The following AIRE variants were observed in gnomAD, a reference collection of about 807,000 sequenced individuals.
AIRE encodes autoimmune polyendocrinopathy candidiasis ectodermal dystrophy protein.
Under a neutral mutation model 62.1 loss-of-function variants are expected in AIRE, and 52 were observed. That is an observed-to-expected ratio of 0.84 (90% CI 0.67 to 1.06). AIRE has a LOEUF of 1.06. AIRE is among the 50% of genes least tolerant of loss of function. The pLI is 0.00. For synonymous variants in AIRE, 342 were observed against 321.6 expected (o/e 1.06, Z -0.68); for missense variants, 774 against 755.8 (o/e 1.02, Z -0.28).
At chr21:44,288,053 G>T (rs758025342) in intron 4 of AIRE, among the ~76,000 whole-genome samples, 8 of 152,080 alleles carry the variant, frequency 5.3e-5, no homozygotes, top group Non-Finnish European at 1.0e-4. Flanking sequence ...CCCATGTCAT[G>T]GGGGGGTGGG....
intron 8 of AIRE, 146 bp from the exon 9 acceptor site, chr21:44,292,156 T>A (rs2040547778): frequency 2.7e-6 from 2 of 738,934 alleles, no homozygotes; most frequent in Middle Eastern, 2.3e-4. Context: ...TCTCCCTTCC[T>A]GTGTCTCTGC....
chr21:44,291,038 C>T, intron 7 of AIRE, 57 bp from the exon 8 acceptor site: 1 of 1,613,480 alleles, frequency 6.2e-7, no homozygotes, highest in Non-Finnish European at 8.5e-7. Flanking sequence ...GGAGGTGGCT[C>T]TCAGGAGGGT....
chr21:44,296,035 G>T (rs562805290), intron 12 of AIRE, among the ~76,000 whole-genome samples: 1 of 152,296 alleles, frequency 6.6e-6, no homozygotes, highest in Non-Finnish European at 1.5e-5. Flanking sequence ...CTTGTCGGGG[G>T]CGGGGGTGGC....
In AIRE at chr21:44,297,252, G is replaced by A. The variant is rs575605392; in HGVS notation, c.1567-404G>A. Among the ~76,000 whole-genome samples, 8 of 152,314 alleles carry A rather than the reference G, an allele frequency of 5.3e-5. No individual in the cohort carries two copies. Among genetic ancestry groups the A allele is most frequent in the Admixed American group, 1.3e-4 (2 of 15,306 alleles). ...TTATTCTGCTGGCATCGTGGGGCCCGTGGCCCCATCCTGTGGGAGCATCAG... is the reference window on the plus strand; with the variant it reads ...TTATTCTGCTGGCATCGTGGGGCCCATGGCCCCATCCTGTGGGAGCATCAG... On this transcript the variant is annotated intron_variant, in intron 13 of 13. Coordinates refer to ENST00000291582, the MANE Select transcript of AIRE (RefSeq NM_000383.4). The surrounding 1 kb of genome is among the most constrained non-coding windows in gnomAD (Gnocchi z 4.8).
rs987529562 is a variant in AIRE, at chr21:44,297,174, G to C, written c.1567-482G>C. On this transcript the variant is annotated intron_variant, in intron 13 of 13. Transcript: ENST00000291582. This position sits in a 1 kb window ranked among gnomAD's most constrained non-coding sequence, Gnocchi z 4.8. ...GCTGCCCCTCTGGATGGGGTCCCCGGGTATAGCTGGAGAAATGAGCGACGG... is the reference window on the plus strand; with the variant it reads ...GCTGCCCCTCTGGATGGGGTCCCCGCGTATAGCTGGAGAAATGAGCGACGG... 6.6e-6 allele frequency among the ~76,000 whole-genome samples: 1 copy of C among 152,210 alleles called. No individual in the cohort carries two copies. The highest frequency in any genetic ancestry group is 1.5e-5 in the Non-Finnish European group (1 of 68,020).
At position 44,287,544 on chromosome 21, in the gene AIRE, A is replaced by G. The variant is rs1399995370; in HGVS notation, c.491A>G (p.Lys164Arg). 1.9e-6 allele frequency: 3 copies of G among 1,558,756 alleles called. No individual in the cohort carries two copies. The highest frequency in any genetic ancestry group is 2.6e-6 in the Non-Finnish European group (3 of 1,151,430). The change falls in exon 4 of 14, where the codon AAG (lysine) becomes AGG (arginine). Residue 164 changes from lysine (K) to arginine (R), a missense_variant. Physicochemically the swap from Lys to Arg is conservative, Grantham distance 26. This residue lies in a region of AIRE where 385 missense variants were observed against 396.0 expected (regional missense o/e 0.97). Coordinates refer to ENST00000291582, the MANE Select transcript of AIRE (RefSeq NM_000383.4). The surrounding 1 kb of genome is among the most constrained non-coding windows in gnomAD (Gnocchi z 4.3). ...TCTCAACTGAAGGCCAAGCCCCCCA[A>G]GAAGCCGGAGAGCAGCGCAGAGCAG... ...PGSQLKAKPPKKPESSAEQQR... is the reference protein window; with the variant it reads ...PGSQLKAKPPRKPESSAEQQR...
chr21:44,291,084 G>T lies in AIRE; in HGVS notation c.880-11G>T. ...AGCCCAGTCTGCATGGGCGTCTCTT[G>T]CCTGTGCCAGAAGAATGAGGACGAG... On this transcript the variant is annotated splice_polypyrimidine_tract_variant and intron_variant, in intron 7 of 13. Transcript: ENST00000291582. 1 of 1,613,152 alleles carries T rather than the reference G, an allele frequency of 6.2e-7. No homozygotes were observed.
Position 44,297,583 on chromosome 21 carries a change from G to T in AIRE, c.1567-73G>T. The stretch of plus-strand genomic sequence containing the variant: ...AGGGAAGGTTGGATGGTGACTTCTT[G>T]TAACGATGGCCATGATTCTGTGGCT... On this transcript the variant is annotated intron_variant, in intron 13 of 13. Transcript: ENST00000291582. This position sits in a 1 kb window ranked among gnomAD's most constrained non-coding sequence, Gnocchi z 4.8. The T allele has an allele frequency of 7.2e-7, 1 of 1,382,444 alleles. No homozygotes were observed. The allele number at this position is 1,382,444 out of a possible 1,614,324, so 85.6% of individuals were successfully genotyped here. A position where few individuals can be genotyped will look rare whatever the true frequency, so the allele number is the denominator to read the frequency against.
At position 44,288,414 on chromosome 21, in the gene AIRE, G is replaced by A. The variant is rs200359179; in HGVS notation, c.608G>A (p.Arg203Gln). Reference sequence around the variant, plus strand: ...TCCTCCGGGGACGTCCCGGGAGCCCGAGGGGCCGTGGAGGGGATCCTCATC... The same window carrying A: ...TCCTCCGGGGACGTCCCGGGAGCCCAAGGGGCCGTGGAGGGGATCCTCATC... Reference protein sequence around the residue: ...AMSSGDVPGARGAVEGILIQQ... With the variant: ...AMSSGDVPGAQGAVEGILIQQ... The change falls in exon 5 of 14, where the codon CGA becomes CAA. Residue 203 changes from arginine to glutamine, a missense_variant. Physicochemically the swap from Arg to Gln is conservative, Grantham distance 43. Coordinates refer to ENST00000291582, the MANE Select transcript of AIRE (RefSeq NM_000383.4). The A allele has an allele frequency of 4.8e-5, 78 of 1,612,390 alleles. No homozygotes were observed. The highest frequency in any genetic ancestry group is 2.3e-4 in the Admixed American group (14 of 59,998).
At position 44,287,067 on chromosome 21, in the gene AIRE, A is replaced by T; in HGVS notation, c.397A>T (p.Lys133Ter). 1 of 1,612,600 alleles carries T rather than the reference A, an allele frequency of 6.2e-7. No homozygotes were observed. Among genetic ancestry groups the T allele is most frequent in the Non-Finnish European group, 8.5e-7 (1 of 1,179,944 alleles). ...VPPPRLPTKR[K>*]ASEEARAAAP... ...GCCACCCAGACTCCCCACCAAGAGG[A>T]AGGCCTCAGAAGAGGCTCGAGCTGC... is the stretch of plus-strand genomic sequence containing the variant. Residue 133 changes from lysine (K) to a stop codon, truncating the protein, a stop_gained, in exon 3 of 14, where the codon AAG (lysine) becomes TAG (stop). Coordinates refer to ENST00000291582, the MANE Select transcript of AIRE (RefSeq NM_000383.4). LOFTEE classifies it high-confidence loss of function. The surrounding 1 kb of genome is among the most constrained non-coding windows in gnomAD (Gnocchi z 4.3).
chr21:44,286,152 C>A lies in AIRE; in HGVS notation c.132+14C>A. 1 of 1,538,046 alleles carries A rather than the reference C, an allele frequency of 6.5e-7. No homozygotes were observed. The highest frequency in any genetic ancestry group is 8.8e-7 in the Non-Finnish European group (1 of 1,140,520). On this transcript the variant is annotated intron_variant, in intron 1 of 13. Coordinates refer to ENST00000291582, the MANE Select transcript of AIRE (RefSeq NM_000383.4). This position sits in a 1 kb window ranked among gnomAD's most constrained non-coding sequence, Gnocchi z 6.0. Reference sequence around the variant, plus strand: ...GACAAGTTTCAGGTGGGCTCCCCGCCCGCCCCCCGCTGCCCCCAGGCCCTG... The same window carrying A: ...GACAAGTTTCAGGTGGGCTCCCCGCACGCCCCCCGCTGCCCCCAGGCCCTG...
rs1415462229 is a variant in AIRE at position 44,286,318 on chromosome 21, C to T, written c.132+180C>T. ...ACAAGTTAGAAGTTGGTCCCCTTCCCCCAGCCGTCCCCACACCTCACCCCC... is the reference window on the plus strand; with the variant it reads ...ACAAGTTAGAAGTTGGTCCCCTTCCTCCAGCCGTCCCCACACCTCACCCCC... On this transcript the variant is annotated intron_variant, in intron 1 of 13. Coordinates refer to ENST00000291582, the MANE Select transcript of AIRE (RefSeq NM_000383.4). The surrounding 1 kb of genome is among the most constrained non-coding windows in gnomAD (Gnocchi z 6.0). Among the ~76,000 whole-genome samples the T allele has an allele frequency of 2.6e-5, 4 of 152,000 alleles. No individual in the cohort carries two copies. Among genetic ancestry groups the T allele is most frequent in the African/African-American group, 9.7e-5 (4 of 41,392 alleles).
Position 44,289,974 on chromosome 21 carries a change from C to T in AIRE, c.799-14C>T, listed in dbSNP as rs1161000375. On this transcript the variant is annotated splice_polypyrimidine_tract_variant and intron_variant, in intron 6 of 13. Transcript: ENST00000291582. ...TGAGGCTGCCCCCATTGCTGACGCC[C>T]CTCTTCCTTGCAGGGTGGAGGTGAG... 1 of 1,610,166 alleles carries T rather than the reference C, an allele frequency of 6.2e-7. No individual in the cohort carries two copies.
rs2040518119 is a variant in AIRE at position 44,289,797 on chromosome 21, G to GC, written c.798dup (p.Gly267ArgfsTer4). On this transcript the variant is annotated frameshift_variant, in exon 6 of 14. Transcript: ENST00000291582. LOFTEE classifies it high-confidence loss of function. Reference sequence around the variant, plus strand: ...TCGAGCCAAGGGAGCCCAGGGCGCTGCCCCCGTAAGCACCTGACCTTCCCT... The same window carrying GC: ...TCGAGCCAAGGGAGCCCAGGGCGCTGCCCCCCGTAAGCACCTGACCTTCCCT... 1.2e-6 allele frequency: 2 copies of GC among 1,612,590 alleles called. No individual in the cohort carries two copies. The highest frequency in any genetic ancestry group is 8.5e-7 in the Non-Finnish European group (1 of 1,179,936).
In AIRE at chr21:44,288,329, G is replaced by A. The variant is rs1461655017; in HGVS notation, c.539-16G>A. On this transcript the variant is annotated splice_polypyrimidine_tract_variant and intron_variant, in intron 4 of 13. Coordinates refer to ENST00000291582, the MANE Select transcript of AIRE (RefSeq NM_000383.4). Reference sequence around the variant, plus strand: ...TCTTCCCCACGGGTGACCCCAATGGGTGTTCCCTTTCCCAGGGATTCAGAC... The same window carrying A: ...TCTTCCCCACGGGTGACCCCAATGGATGTTCCCTTTCCCAGGGATTCAGAC... 1.9e-5 allele frequency: 29 copies of A among 1,562,994 alleles called. No individual in the cohort carries two copies. The highest frequency in any genetic ancestry group is 2.3e-5 in the Non-Finnish European group (26 of 1,134,564).
chr21:44,291,391 G>C (rs931103650), intron 8 of AIRE, among the ~76,000 whole-genome samples, 181 bp downstream of exon 8: 2 of 152,150 alleles, frequency 1.3e-5, no homozygotes, highest in Admixed American at 1.3e-4. Flanking sequence ...CCTGCCTCCC[G>C]GTCTGGCCAC....
chr21:44,286,561 C>G lies in AIRE; in HGVS notation c.137C>G (p.Thr46Arg), dbSNP rs758870962. 1 of 1,609,636 alleles carries G rather than the reference C, an allele frequency of 6.2e-7. No individual in the cohort carries two copies. Among genetic ancestry groups the G allele is most frequent in the East Asian group, 2.2e-5 (1 of 44,698 alleles). The change falls in exon 2 of 14, where the codon ACG (threonine) becomes AGG (arginine). Residue 46 changes from threonine to arginine, a missense_variant. Thr to Arg is a moderately conservative substitution (Grantham distance 71). This residue lies in a region of AIRE where 385 missense variants were observed against 396.0 expected (regional missense o/e 0.97). Coordinates refer to ENST00000291582, the MANE Select transcript of AIRE (RefSeq NM_000383.4). The surrounding 1 kb of genome is among the most constrained non-coding windows in gnomAD (Gnocchi z 6.0). ...CCTCATGCCACCCCACTGCAGGAGA[C>G]GCTTCATCTGAAGGAAAAGGAGGGC... ...DVVPEDKFQETLHLKEKEGCP... is the reference protein window; with the variant it reads ...DVVPEDKFQERLHLKEKEGCP...
chr21:44,292,476 C>T lies in AIRE; in HGVS notation c.1095+75C>T, dbSNP rs1057051206. On this transcript the variant is annotated intron_variant, in intron 9 of 13. Transcript: ENST00000291582. ...CACGCCCCCTCCTAGGCTGGGCCAC[C>T]CCCTCCTGTCCGTCTGTCCCCTGGA... The T allele has an allele frequency of 1.4e-4, 117 of 852,872 alleles. 2 individuals are homozygous for T. The highest frequency in any genetic ancestry group is 1.9e-4 in the Admixed American group (7 of 37,730). 52.8% of individuals were successfully genotyped at this position (852,872 alleles called of 1,614,324 possible). A position where few individuals can be genotyped will look rare whatever the true frequency, so the allele number is the denominator to read the frequency against.
chr21:44,290,452 G>A, intron 7 of AIRE: 3 of 976,034 alleles, frequency 3.1e-6, no homozygotes, highest in Non-Finnish European at 2.4e-6. Flanking sequence ...GAAGCAGTGT[G>A]GGGGGTGCCT....
Sources: allele counts gnomAD v4.1 joint callset (sites outside exome capture counted in the v4.1 genomes callset), GRCh38; gene constraint gnomAD v4.1.1; regional missense constraint gnomAD v4.1.1; non-coding constraint Gnocchi (gnomAD v3.1); transcripts MANE v1.5; gene names NCBI Gene and HGNC (gene_info 2026-07-23, HGNC 2026-07-21).